The following TBC1D32 variants were observed in gnomAD, a reference collection of about 807,000 sequenced individuals.
TBC1D32 encodes TBC1 domain family member 32.
TBC1D32 carries 151 observed loss-of-function variants against 170.3 expected under a neutral mutation model. That is an observed-to-expected ratio of 0.89 (90% CI 0.78 to 1.01). The LOEUF (loss-of-function observed/expected upper bound fraction) is 1.01. Among genes scored for constraint, TBC1D32 ranks in the 50% least tolerant of loss-of-function variants. The probability of loss-of-function intolerance (pLI) is 0.00; values close to 1 mark genes in which losing one functional copy is unlikely to be tolerated. For missense variants in TBC1D32, 1,464 were observed against 1,457.1 expected (o/e 1.00, Z -0.08); for synonymous variants, 498 against 488.0 (o/e 1.02, Z -0.27).
chr6:121,089,495 C>T (rs1483247773), intron 31 of TBC1D32, among the ~76,000 whole-genome samples: 2 of 152,102 alleles, frequency 1.3e-5, no homozygotes, highest in African/African-American at 2.4e-5. Flanking sequence ...ATTTTGTATT[C>T]AACATAATTT....
intron 17 of TBC1D32, among the ~76,000 whole-genome samples, chr6:121,248,948 T>G (rs989685499): frequency 6.6e-5 from 10 of 151,950 alleles, no homozygotes; most frequent in Admixed American, 3.9e-4. Context: ...TAAATCTATC[T>G]ATGAAGTCAG....
At chr6:121,243,819 A>T (rs75426286) in intron 17 of TBC1D32, among the ~76,000 whole-genome samples, 3,614 of 152,118 alleles carry the variant, frequency 0.024, 158 homozygotes, top group East Asian at 0.12. Context: ...ACACAGACGC[A>T]CTTCCAATAT....
intron 17 of TBC1D32, among the ~76,000 whole-genome samples, chr6:121,250,755 A>T (rs1288167576): frequency 6.6e-6 from 1 of 152,146 alleles, no homozygotes; most frequent in Non-Finnish European, 1.5e-5. Flanking sequence ...GGCAAGAGAA[A>T]GAAATAAAAG....
intron 22 of TBC1D32, 144 bp downstream of exon 22, chr6:121,204,931 A>G (rs923935209): frequency 1.1e-5 from 5 of 475,194 alleles, no homozygotes; most frequent in African/African-American, 1.0e-4. Flanking sequence ...TACTTTGTTT[A>G]TAATGTTACA....
At chr6:121,094,897 G>A (rs991329523) in intron 30 of TBC1D32, among the ~76,000 whole-genome samples, 9 of 151,896 alleles carry the variant, frequency 5.9e-5, no homozygotes, top group East Asian at 3.9e-4. Context: ...TGTATTCCTC[G>A]GTTAGAGCTC....
chr6:121,168,383 T>C (rs1043927801), intron 22 of TBC1D32, among the ~76,000 whole-genome samples: 1 of 135,736 alleles, frequency 7.4e-6, no homozygotes, highest in Non-Finnish European at 1.6e-5. Context: ...TATACAGCCA[T>C]AAAAAATGAT....
At chr6:121,235,615 G>A (rs1256804869) in intron 20 of TBC1D32, among the ~76,000 whole-genome samples, 2 of 152,172 alleles carry the variant, frequency 1.3e-5, no homozygotes, top group Non-Finnish European at 2.9e-5. Context: ...CCCCTCAACA[G>A]CACCAAGTCT....
chr6:121,240,542 C>T lies in TBC1D32; in HGVS notation c.2245+923G>A, dbSNP rs1185079771. On this transcript the variant is annotated intron_variant, in intron 19 of 31. Transcript: ENST00000398212. The stretch of plus-strand genomic sequence containing the variant: ...ACTCTAAGCCTTGAAAAAATATTGT[C>T]ATAGCATCTCTATCAGGGATTATAT... Among the ~76,000 whole-genome samples the T allele has an allele frequency of 2.6e-5, 4 of 151,588 alleles. No homozygotes were observed. The East Asian group carries it at 5.8e-4, about 22-fold the overall frequency.
chr6:121,140,647 A>C (rs1782673751), intron 24 of TBC1D32, among the ~76,000 whole-genome samples: 1 of 152,052 alleles, frequency 6.6e-6, no homozygotes, highest in African/African-American at 2.4e-5. Context: ...AAAAGACTAA[A>C]TTTGAAGTAA....
chr6:121,115,630 A>G (rs1779611602), intron 26 of TBC1D32: 2 of 154,868 alleles, frequency 1.3e-5, no homozygotes, highest in Admixed American at 1.3e-4. Context: ...TTCGTTCCTG[A>G]TACTAATCTT....
intron 15 of TBC1D32, among the ~76,000 whole-genome samples, chr6:121,276,753 A>G (rs1284033206): frequency 6.6e-6 from 1 of 152,210 alleles, no homozygotes; most frequent in African/African-American, 2.4e-5. Flanking sequence ...AAGCTGGAGT[A>G]GCTGTATTAG....
At chr6:121,180,007 A>G (rs1788302835) in intron 22 of TBC1D32, among the ~76,000 whole-genome samples, 1 of 152,178 alleles carries the variant, frequency 6.6e-6, no homozygotes, top group South Asian at 2.1e-4. Context: ...GGAACATACT[A>G]TCAAGCTAAA....
intron 9 of TBC1D32, among the ~76,000 whole-genome samples, chr6:121,302,613 A>G (rs1771815343): frequency 6.6e-6 from 1 of 152,174 alleles, no homozygotes; most frequent in South Asian, 2.1e-4. Flanking sequence ...AAATCTTAAC[A>G]GTTGTTATCC....
chr6:121,226,736 T>C (rs1196235317), intron 20 of TBC1D32, among the ~76,000 whole-genome samples: 5 of 152,122 alleles, frequency 3.3e-5, no homozygotes, highest in Non-Finnish European at 5.9e-5. Context: ...TATAAAGTAT[T>C]CTATTCTTTA....
intron 24 of TBC1D32, among the ~76,000 whole-genome samples, chr6:121,135,553 G>A (rs574237973): frequency 6.6e-6 from 1 of 152,268 alleles, no homozygotes; most frequent in East Asian, 1.9e-4. Context: ...AAGGAGACAG[G>A]TGTCAGATTT....
At position 121,080,868 on chromosome 6, in the gene TBC1D32, C is replaced by A; in HGVS notation, c.3677G>T (p.Arg1226Leu). Residue 1226 changes from arginine to leucine, a missense_variant, in exon 32 of 32, where the codon CGA becomes CTA. Physicochemically the swap from Arg to Leu is moderately radical, Grantham distance 102. This residue lies in a region of TBC1D32 where 97 missense variants were observed against 102.0 expected (regional missense o/e 0.95). Transcript: ENST00000398212. ...CATGTATTCAAAATAATCACTCACTCGAAACCCATGCAGTGCTTCTTCCTG... is the reference window on the plus strand; with the variant it reads ...CATGTATTCAAAATAATCACTCACTAGAAACCCATGCAGTGCTTCTTCCTG... ...FLKEEALHGF[R>L]VSDYFEYMEI... is the part of the protein sequence containing the mutation. 3 of 1,613,608 alleles carry A rather than the reference C, an allele frequency of 1.9e-6. No individual in the cohort carries two copies. Among genetic ancestry groups the A allele is most frequent in the Non-Finnish European group, 2.5e-6 (3 of 1,179,786 alleles).
intron 24 of TBC1D32, among the ~76,000 whole-genome samples, chr6:121,134,558 A>G (rs1180937506): frequency 6.6e-6 from 1 of 152,152 alleles, no homozygotes; most frequent in East Asian, 1.9e-4. Context: ...CTGAGCTGAA[A>G]ACAGGCTGAC....
intron 12 of TBC1D32, among the ~76,000 whole-genome samples, chr6:121,289,729 G>T (rs372747134): frequency 0.12 from 17,607 of 151,920 alleles, 1,459 homozygotes; most frequent in Admixed American, 0.23. Context: ...GGAGGCATCA[G>T]GCTACCTGAC....
chr6:121,261,507 C>T (rs1019409076), intron 15 of TBC1D32, among the ~76,000 whole-genome samples: 1 of 152,082 alleles, frequency 6.6e-6, no homozygotes, highest in African/African-American at 2.4e-5. Flanking sequence ...CTGAAGTGAA[C>T]CCCCAGCAAA....
Sources: gnomAD v4.1 joint callset for allele counts (sites outside exome capture counted in the v4.1 genomes callset) on GRCh38, gnomAD v4.1.1 for gene constraint, gnomAD v4.1.1 regional missense constraint, MANE v1.5 for transcripts, NCBI Gene and HGNC (gene_info 2026-07-23, HGNC 2026-07-21) for gene names.